The following VWA8 variants were observed in gnomAD, a reference collection of about 807,000 sequenced individuals.
VWA8 encodes von Willebrand factor A domain containing 8.
In VWA8, 221 loss-of-function variants were observed where a neutral mutation model predicts 241.5. That is an observed-to-expected ratio of 0.91 (90% confidence interval 0.82 to 1.02). The LOEUF is 1.02. VWA8 is among the 50% of genes least tolerant of loss of function. VWA8 has a pLI of 0.00. For missense variants in VWA8, 2,322 were observed against 2,328.7 expected (o/e 1.00, Z 0.06); for synonymous variants, 852 against 827.1 (o/e 1.03, Z -0.52).
chr13:41,606,429 TTAA>T (rs1055674102), intron 39 of VWA8, among the ~76,000 whole-genome samples: 7 of 152,116 alleles, frequency 4.6e-5, no homozygotes, highest in Non-Finnish European at 8.8e-5. Flanking sequence ...ATACATTAAC[TTAA>T]TAATACATTT....
chr13:41,860,430 A>T (rs993280625), intron 12 of VWA8, among the ~76,000 whole-genome samples: 1 of 152,110 alleles, frequency 6.6e-6, no homozygotes, highest in Admixed American at 6.5e-5. Context: ...TTTCAGAGAG[A>T]GGACTGATAA....
chr13:41,828,471 A>T (rs1200169468), intron 14 of VWA8, among the ~76,000 whole-genome samples: 2 of 152,188 alleles, frequency 1.3e-5, no homozygotes, highest in Non-Finnish European at 2.9e-5. Context: ...CATTCTATAT[A>T]GTATGCAGCT....
intron 26 of VWA8, among the ~76,000 whole-genome samples, chr13:41,711,288 A>T (rs1294491695): frequency 1.3e-5 from 2 of 152,146 alleles, no homozygotes; most frequent in African/African-American, 2.4e-5. Flanking sequence ...TATTTAATTC[A>T]TTGTTCTAAG....
rs150654984 is a variant in VWA8, at chr13:41,875,792, T to G, written c.1081-7315A>C. Among the ~76,000 whole-genome samples, 68 of 152,184 alleles carry G rather than the reference T, an allele frequency of 4.5e-4. No homozygotes were observed. The East Asian group carries it at 8.3e-3, about 19-fold the overall frequency. On this transcript the variant is annotated intron_variant, in intron 9 of 44. Coordinates refer to ENST00000379310, the MANE Select transcript of VWA8 (RefSeq NM_015058.2). ...AATAAGCTCATCACTTGCATGACTT[T>G]ACAAACCATCATGACCCCGATTTTC... is the stretch of plus-strand genomic sequence containing the variant.
chr13:41,948,632 G>A (rs1877973046), intron 2 of VWA8, among the ~76,000 whole-genome samples: 1 of 152,158 alleles, frequency 6.6e-6, no homozygotes, highest in South Asian at 2.1e-4. Flanking sequence ...ATCACTGTCG[G>A]TCAAAGGTAA....
intron 18 of VWA8, among the ~76,000 whole-genome samples, 196 bp from the exon 19 acceptor site, chr13:41,784,097 T>C (rs1230462241): frequency 6.6e-6 from 1 of 151,922 alleles, no homozygotes; most frequent in Non-Finnish European, 1.5e-5. Flanking sequence ...CAAATTTTCT[T>C]TAAAACAATG....
chr13:41,611,845 T>A, intron 38 of VWA8, 113 bp from the exon 39 acceptor site: 1 of 1,168,724 alleles, frequency 8.6e-7, no homozygotes, highest in East Asian at 2.5e-5. Context: ...ACTTAACTAG[T>A]AATTAAACAG....
At chr13:41,771,886 CTTTTTT>C (rs10639837) in intron 20 of VWA8, among the ~76,000 whole-genome samples, 6 of 100,266 alleles carry the variant, frequency 6.0e-5, no homozygotes, top group Non-Finnish European at 7.8e-5. Context: ...CCAGCAGGGA[CTTTTTT>C]TTTTTTTTTT....
chr13:41,891,333 T>C (rs1874830078), intron 5 of VWA8, 87 bp downstream of exon 5: 5 of 1,516,876 alleles, frequency 3.3e-6, no homozygotes, highest in Non-Finnish European at 4.5e-6. Context: ...TCTGTCCTGA[T>C]TCCAACAGAG....
At chr13:41,929,523 A>G (rs1877009288) in intron 2 of VWA8, among the ~76,000 whole-genome samples, 1 of 152,216 alleles carries the variant, frequency 6.6e-6, no homozygotes, top group African/African-American at 2.4e-5. Flanking sequence ...AGTATGTATC[A>G]GTTTTTAAAA....
intron 17 of VWA8, among the ~76,000 whole-genome samples, chr13:41,804,380 A>G (rs555030922): frequency 1.3e-5 from 2 of 152,172 alleles, no homozygotes; most frequent in Non-Finnish European, 2.9e-5. Flanking sequence ...CTGAAGGAAA[A>G]AGCTTTTATC....
At chr13:41,579,164 T>C (rs758668985) in intron 42 of VWA8, among the ~76,000 whole-genome samples, 1 of 152,226 alleles carries the variant, frequency 6.6e-6, no homozygotes, top group Non-Finnish European at 1.5e-5. Context: ...GCGGCCACAT[T>C]GTAAGTAGGT....
chr13:41,852,760 C>A (rs1465431113), intron 12 of VWA8, among the ~76,000 whole-genome samples: 1 of 152,224 alleles, frequency 6.6e-6, no homozygotes, highest in Non-Finnish European at 1.5e-5. Context: ...TGAAAACTAA[C>A]TAGCCATTAA....
chr13:41,907,941 T>A (rs1875805393), intron 3 of VWA8, among the ~76,000 whole-genome samples: 1 of 152,194 alleles, frequency 6.6e-6, no homozygotes, highest in African/African-American at 2.4e-5. Flanking sequence ...GCAATAATAA[T>A]CAAAATCCAA....
At chr13:41,729,282 G>A (rs1416237880) in intron 23 of VWA8, among the ~76,000 whole-genome samples, 1 of 151,996 alleles carries the variant, frequency 6.6e-6, no homozygotes, top group Non-Finnish European at 1.5e-5. Context: ...ACGTTGGTAT[G>A]TCAGAGTAGA....
chr13:41,642,001 G>C (rs576985732), intron 37 of VWA8, among the ~76,000 whole-genome samples: 1 of 152,206 alleles, frequency 6.6e-6, no homozygotes, highest in Non-Finnish European at 1.5e-5. Flanking sequence ...CAATAGTTCT[G>C]GTTAATGCCT....
chr13:41,688,780 T>G (rs1346556110), intron 34 of VWA8, among the ~76,000 whole-genome samples: 1 of 151,918 alleles, frequency 6.6e-6, no homozygotes. Context: ...ATCGAGGACA[T>G]ACGGACACAA....
At chr13:41,715,907 T>C (rs1272450066) in intron 26 of VWA8, among the ~76,000 whole-genome samples, 3 of 152,134 alleles carry the variant, frequency 2.0e-5, no homozygotes, top group South Asian at 2.1e-4. Flanking sequence ...TCTTGATTCA[T>C]AGATGACATA....
At chr13:41,767,354 T>C (rs2045785848) in intron 20 of VWA8, among the ~76,000 whole-genome samples, 1 of 152,162 alleles carries the variant, frequency 6.6e-6, no homozygotes, top group African/African-American at 2.4e-5. Flanking sequence ...CACTATACTA[T>C]CCCTCTCAGG....
Sources: allele counts gnomAD v4.1 joint callset (sites outside exome capture counted in the v4.1 genomes callset), GRCh38; gene constraint gnomAD v4.1.1; transcripts MANE v1.5; gene names NCBI Gene and HGNC (gene_info 2026-07-23, HGNC 2026-07-21).